CMIP: variants seen among roughly 807,000 people sequenced by gnomAD.
CMIP encodes c-Maf inducing protein.
A neutral mutation model predicts 97.3 loss-of-function variants in CMIP; 13 were observed. That is an observed-to-expected ratio of 0.13 (90% confidence interval 0.09 to 0.21). The LOEUF (loss-of-function observed/expected upper bound fraction) is 0.21, where lower values mean the gene tolerates loss of function less well. Ranked by LOEUF, CMIP falls within the 10% of genes least tolerant of loss-of-function variation. CMIP has a pLI of 1.00. For missense variants in CMIP, 847 were observed against 1,024.9 expected, an observed-to-expected ratio of 0.83 and a Z score of 2.37; for synonymous variants, 538 against 436.3, an observed-to-expected ratio of 1.23 and a Z score of -2.91.
chr16:81,472,508 C>T (rs377435717), intron 1 of CMIP, among the ~76,000 whole-genome samples: 2 of 152,216 alleles, frequency 1.3e-5, no homozygotes, highest in East Asian at 1.9e-4. Context: ...CACAGCCACT[C>T]ACTTGACACC....
chr16:81,515,681 G>A (rs1031337722), intron 1 of CMIP, among the ~76,000 whole-genome samples: 2 of 152,196 alleles, frequency 1.3e-5, no homozygotes, highest in Non-Finnish European at 2.9e-5. Context: ...TCTAAGGACC[G>A]GAGGTTGGTA....
chr16:81,589,170 C>G (rs576749981), intron 1 of CMIP, among the ~76,000 whole-genome samples: 80 of 151,820 alleles, frequency 5.3e-4, no homozygotes, highest in African/African-American at 1.8e-3. Flanking sequence ...GATCTCGGCT[C>G]ACTGCAACCA....
intron 11 of CMIP, 73 bp downstream of exon 11, chr16:81,691,913 G>A (rs533082539): frequency 7.6e-7 from 1 of 1,307,354 alleles, no homozygotes. Context: ...AGGCCTTAGT[G>A]GGGGGCCAGT....
chr16:81,671,945 C>T (rs367704329), intron 8 of CMIP, 21 bp from the exon 9 acceptor site: 3 of 1,426,962 alleles, frequency 2.1e-6, no homozygotes, highest in Non-Finnish European at 2.9e-6. Context: ...CTTCTCACCC[C>T]AGCCCTCTGC....
intron 1 of CMIP, among the ~76,000 whole-genome samples, chr16:81,522,993 C>G (rs899079431): frequency 2.0e-5 from 3 of 151,938 alleles, no homozygotes; most frequent in Non-Finnish European, 4.4e-5. Flanking sequence ...GTGGTTTGAT[C>G]ACAGCTCACC....
At chr16:81,595,034 GTCTCTC>G (rs60887695) in intron 1 of CMIP, among the ~76,000 whole-genome samples, 49 of 145,796 alleles carry the variant, frequency 3.4e-4, no homozygotes, top group Non-Finnish European at 5.5e-4. Flanking sequence ...ATATCATGTG[GTCTCTC>G]TCTCTCTCTC....
At chr16:81,525,862 G>T (rs1320152276) in intron 1 of CMIP, among the ~76,000 whole-genome samples, 1 of 152,210 alleles carries the variant, frequency 6.6e-6, no homozygotes, top group African/African-American at 2.4e-5. Context: ...AGTGGAATCA[G>T]AAGATTTGTC....
chr16:81,547,157 T>C (rs1327122079), intron 1 of CMIP, among the ~76,000 whole-genome samples: 2 of 152,020 alleles, frequency 1.3e-5, no homozygotes, highest in Non-Finnish European at 2.9e-5. Flanking sequence ...GTGAGGAGGA[T>C]CTGGGGCAGA....
intron 1 of CMIP, among the ~76,000 whole-genome samples, chr16:81,509,875 T>TTTC (rs2089778448): frequency 6.6e-6 from 1 of 152,064 alleles, no homozygotes. Flanking sequence ...GGCAGGAGCA[T>TTTC]GGAAGTGTGA....
At chr16:81,466,428 A>G (rs1019190290) in intron 1 of CMIP, among the ~76,000 whole-genome samples, 1 of 152,172 alleles carries the variant, frequency 6.6e-6, no homozygotes, top group African/African-American at 2.4e-5. Flanking sequence ...AGGGATGTGC[A>G]GTTGCTGTGT....
chr16:81,664,236 G>A (rs1207184873), intron 6 of CMIP, 33 bp from the exon 7 acceptor site: 2 of 1,562,270 alleles, frequency 1.3e-6, no homozygotes, highest in Non-Finnish European at 1.7e-6. Flanking sequence ...ACATTCTTAG[G>A]GCCGCAGTAA....
At chr16:81,583,680 C>T (rs1275071830) in intron 1 of CMIP, among the ~76,000 whole-genome samples, 1 of 152,134 alleles carries the variant, frequency 6.6e-6, no homozygotes, top group Non-Finnish European at 1.5e-5. Flanking sequence ...CTCCTTTGGA[C>T]CTAAAGTCCT....
At chr16:81,594,780 ATTTTTTTTTTTTT>A (rs570057427) in intron 1 of CMIP, among the ~76,000 whole-genome samples, 4 of 115,078 alleles carry the variant, frequency 3.5e-5, no homozygotes, top group Admixed American at 9.1e-5. Flanking sequence ...CGCCCAGCTA[ATTTTTTTTTTTTT>A]TTTTTTTTTT....
chr16:81,697,476 CT>C (rs1483418842), intron 14 of CMIP: 1 of 152,284 alleles, frequency 6.6e-6, no homozygotes, highest in African/African-American at 2.4e-5. Context: ...TTACTGGTCA[CT>C]GGTGCTCCCA....
At chr16:81,663,394 C>T (rs1262406941) in intron 6 of CMIP, among the ~76,000 whole-genome samples, 2 of 152,036 alleles carry the variant, frequency 1.3e-5, no homozygotes, top group Admixed American at 1.3e-4. Flanking sequence ...AGGCTGCACA[C>T]TGCACGATTC....
At chr16:81,635,820 G>A (rs942575396) in intron 3 of CMIP, among the ~76,000 whole-genome samples, 1 of 152,110 alleles carries the variant, frequency 6.6e-6, no homozygotes, top group African/African-American at 2.4e-5. Context: ...TCCTGCTGTG[G>A]CATTAAGCTG....
At chr16:81,521,191 C>T (rs1427221518) in intron 1 of CMIP, among the ~76,000 whole-genome samples, 3 of 152,228 alleles carry the variant, frequency 2.0e-5, no homozygotes, top group Non-Finnish European at 2.9e-5. Context: ...GACTGTGGAC[C>T]ATGGGACCCT....
intron 1 of CMIP, among the ~76,000 whole-genome samples, chr16:81,551,999 C>A (rs1289373347): frequency 6.6e-6 from 1 of 152,192 alleles, no homozygotes; most frequent in Non-Finnish European, 1.5e-5. Flanking sequence ...TGGGGTCCTT[C>A]CACCTGGTGA....
intron 7 of CMIP, among the ~76,000 whole-genome samples, chr16:81,668,949 A>ACCTTCCACACCCACCTCACACT (rs1353695278): frequency 8.7e-6 from 1 of 114,346 alleles, no homozygotes; most frequent in South Asian, 2.8e-4. Context: ...CCCACCTCAC[A>ACCTTCCACACCCACCTCACACT]CCTTCCACAC....
Sources: gnomAD v4.1 joint callset for allele counts (sites outside exome capture counted in the v4.1 genomes callset) on GRCh38, gnomAD v4.1.1 for gene constraint, MANE v1.5 for transcripts, NCBI Gene and HGNC (gene_info 2026-07-23, HGNC 2026-07-21) for gene names.